The following SCEL variants were observed in gnomAD, a reference collection of about 807,000 sequenced individuals.
The protein encoded by SCEL is sciellin.
SCEL carries 113 observed loss-of-function variants against 117.6 expected under a neutral mutation model. That is an observed-to-expected ratio of 0.96 (90% CI 0.83 to 1.12). The LOEUF is 1.12. Among genes scored for constraint, SCEL ranks in the 50% most tolerant of loss-of-function variants. SCEL has a pLI of 0.00. For synonymous variants in SCEL, 270 were observed against 256.2 expected, an observed-to-expected ratio of 1.05 and a Z score of -0.51; for missense variants, 785 against 810.8, an observed-to-expected ratio of 0.97 and a Z score of 0.39.
intron 22 of SCEL, among the ~76,000 whole-genome samples, chr13:77,612,456 C>CTTTTTTTTTTTTT (rs71102764): frequency 1.5e-4 from 14 of 93,600 alleles, no homozygotes; most frequent in East Asian, 4.0e-4. Flanking sequence ...TTTTTCTTTT[C>CTTTTTTTTTTTTT]TTTTTTTTTT....
At chr13:77,567,282 C>A (rs2085342453) in intron 5 of SCEL, among the ~76,000 whole-genome samples, 1 of 152,006 alleles carries the variant, frequency 6.6e-6, no homozygotes. Flanking sequence ...GGTGAAACCT[C>A]TTCTCTACTA....
intron 28 of SCEL, among the ~76,000 whole-genome samples, chr13:77,628,652 AAC>A (rs1363030180): frequency 3.9e-5 from 6 of 152,120 alleles, no homozygotes; most frequent in Non-Finnish European, 7.4e-5. Flanking sequence ...GGGAATACTA[AAC>A]ACAATAGGTT....
intron 32 of SCEL, 130 bp downstream of exon 32, chr13:77,642,938 A>G (rs2090628705): frequency 2.0e-6 from 1 of 498,342 alleles, no homozygotes. Context: ...TCAGCTGCAG[A>G]TATTTATACT....
chr13:77,638,519 G>A (rs1012026751), intron 30 of SCEL, among the ~76,000 whole-genome samples: 1 of 152,142 alleles, frequency 6.6e-6, no homozygotes, highest in Non-Finnish European at 1.5e-5. Flanking sequence ...CTCCATAAAA[G>A]TATTGCTGTT....
chr13:77,551,965 A>G (rs1161976638), intron 1 of SCEL, among the ~76,000 whole-genome samples: 2 of 149,844 alleles, frequency 1.3e-5, no homozygotes, highest in South Asian at 2.1e-4. Flanking sequence ...TGTTCTTACG[A>G]TAGTTTACTG....
intron 28 of SCEL, among the ~76,000 whole-genome samples, chr13:77,628,380 C>T (rs1261836525): frequency 4.6e-5 from 7 of 152,074 alleles, no homozygotes; most frequent in African/African-American, 1.7e-4. Flanking sequence ...GGTAAGCTCT[C>T]AGCAGTGCAG....
intron 1 of SCEL, among the ~76,000 whole-genome samples, chr13:77,541,735 G>A (rs1321246831): frequency 1.3e-5 from 2 of 151,920 alleles, no homozygotes; most frequent in Non-Finnish European, 2.9e-5. Context: ...ATGCTTTCTT[G>A]TATTTTCCAC....
intron 6 of SCEL, 110 bp from the exon 7 acceptor site, chr13:77,568,185 T>G: frequency 1.5e-6 from 1 of 673,524 alleles, no homozygotes. Flanking sequence ...TTCTATTTCT[T>G]TCTCTCACCA....
At chr13:77,544,594 T>G (rs1000545579) in intron 1 of SCEL, among the ~76,000 whole-genome samples, 4 of 152,060 alleles carry the variant, frequency 2.6e-5, no homozygotes, top group African/African-American at 9.7e-5. Flanking sequence ...ATTCTTGGCA[T>G]TGGGACAAGA....
Position 77,634,429 on chromosome 13 carries a change from C to T in SCEL, c.1742C>T (p.Thr581Ile), listed in dbSNP as rs757255426. 1.2e-6 allele frequency: 2 copies of T among 1,612,438 alleles called. No homozygotes were observed. The highest frequency in any genetic ancestry group is 1.7e-6 in the Non-Finnish European group (2 of 1,178,854). The change falls in exon 29 of 33, where the codon ACA (threonine) becomes ATA (isoleucine). Residue 581 changes from threonine (T) to isoleucine (I), a missense_variant. Physicochemically the swap from Thr to Ile is moderately conservative, Grantham distance 89 (BLOSUM62 -1). Coordinates refer to ENST00000349847, the MANE Select transcript of SCEL (RefSeq NM_144777.3). Reference protein sequence around the residue: ...QAGPQDTVVYTRTYVENSKSP... With the variant: ...QAGPQDTVVYIRTYVENSKSP... The stretch of plus-strand genomic sequence containing the variant: ...GGACCACAGGATACTGTTGTGTACA[C>T]AAGGACATATGTGGAGAATAGGTAT...
rs200817415 is a variant in SCEL, at chr13:77,555,673, A to AAAAC, written c.-19-180_-19-177dup. Among the ~76,000 whole-genome samples the AAAAC allele has an allele frequency of 9.1e-3, 1,387 of 152,344 alleles. 27 individuals carry two copies. Among genetic ancestry groups the AAAAC allele is most frequent in the African/African-American group, 0.031 (1,283 of 41,564 alleles). On this transcript the variant is annotated intron_variant, in intron 1 of 32. Transcript: ENST00000349847. ...CCTGTGCCTCATTTTCTCCATCTGT[A>AAAAC]AAACAAATATGTTGGAAGAGATGAA...
chr13:77,545,382 C>T (rs12868375), intron 1 of SCEL, among the ~76,000 whole-genome samples: 9,421 of 152,044 alleles, frequency 0.062, 398 homozygotes, highest in Non-Finnish European at 0.079. Context: ...TAAAGAATTA[C>T]AAAACAATAA....
intron 31 of SCEL, among the ~76,000 whole-genome samples, chr13:77,641,836 A>G (rs2090570335): frequency 6.6e-6 from 1 of 152,202 alleles, no homozygotes. Context: ...TCAGAAATAT[A>G]GTAACTCATT....
At chr13:77,633,463 A>AAAAAAAAAAAAAAAAAAAGAAG in intron 28 of SCEL, among the ~76,000 whole-genome samples, 1 of 145,082 alleles carries the variant, frequency 6.9e-6, no homozygotes, top group African/African-American at 2.6e-5. Context: ...AAAAAAAAAA[A>AAAAAAAAAAAAAAAAAAAGAAG]AAAGAAGCCA....
chr13:77,553,229 C>T (rs1181149186), intron 1 of SCEL, among the ~76,000 whole-genome samples: 2 of 152,180 alleles, frequency 1.3e-5, no homozygotes, highest in African/African-American at 4.8e-5. Context: ...AAGATTTAGG[C>T]CTTTCCCACT....
chr13:77,563,822 T>C lies in SCEL; in HGVS notation c.222-9T>C. The C allele has an allele frequency of 6.3e-7, 1 of 1,576,614 alleles. No individual in the cohort carries two copies. Among genetic ancestry groups the C allele is most frequent in the Admixed American group, 2.0e-5 (1 of 49,704 alleles). ...ATTTTTTTTTTTTTGGTAATTATGT[T>C]TGCTACAGGAAAGTAAATGAGAGAG... On this transcript the variant is annotated splice_polypyrimidine_tract_variant and intron_variant, in intron 4 of 32. Transcript: ENST00000349847.
intron 13 of SCEL, among the ~76,000 whole-genome samples, chr13:77,598,393 T>C (rs764503778): frequency 1.1e-4 from 17 of 152,336 alleles, no homozygotes; most frequent in Non-Finnish European, 2.5e-4. Context: ...GTTTTTCCTA[T>C]CCTGTTCTGG....
rs1302616141 is a variant in SCEL at position 77,637,166 on chromosome 13, A to C, written c.1810A>C (p.Ile604Leu). 1.9e-6 allele frequency: 3 copies of C among 1,563,530 alleles called. No individual in the cohort carries two copies. Among genetic ancestry groups the C allele is most frequent in the Non-Finnish European group, 2.6e-6 (3 of 1,157,342 alleles). ...GYQENISGKY[I>L]QTVYSTSDRS... is the part of the protein sequence containing the mutation. ...TCAGGAGAATATCTCTGGAAAATAC[A>C]TACAAACTGTTTATTCAACTTCTGA... The change falls in exon 30 of 33, where the codon ATA (isoleucine) becomes CTA (leucine). Residue 604 changes from isoleucine to leucine, a missense_variant. Ile to Leu is a conservative substitution (Grantham distance 5). Transcript: ENST00000349847.
In SCEL at chr13:77,618,063, A is replaced by G. The variant is rs1167905833; in HGVS notation, c.1628+3A>G. The G allele has an allele frequency of 7.5e-6, 12 of 1,608,784 alleles. No homozygotes were observed. The highest frequency in any genetic ancestry group is 1.0e-5 in the Non-Finnish European group (12 of 1,175,176). ...TCAGCTCTTAGAAACACTAATCGGTAAATGACCTTGACTATCTTGACATGT... is the reference window on the plus strand; with the variant it reads ...TCAGCTCTTAGAAACACTAATCGGTGAATGACCTTGACTATCTTGACATGT... On this transcript the variant is annotated splice_donor_region_variant and intron_variant, in intron 27 of 32. Transcript: ENST00000349847.
Sources: allele counts gnomAD v4.1 joint callset (sites outside exome capture counted in the v4.1 genomes callset), GRCh38; gene constraint gnomAD v4.1.1; transcripts MANE v1.5; gene names NCBI Gene and HGNC (gene_info 2026-07-23, HGNC 2026-07-21).